GRIK2: variants seen among roughly 807,000 people sequenced by gnomAD.
GRIK2 encodes the protein glutamate receptor ionotropic, kainate 2.
A neutral mutation model predicts 100.3 loss-of-function variants in GRIK2; 32 were observed. The ratio of observed to expected loss-of-function variants is 0.32; its 90% CI spans 0.24 to 0.43. The LOEUF is 0.43. GRIK2 is among the 20% of genes least tolerant of loss of function. GRIK2 has a pLI of 1.00. For synonymous variants in GRIK2, 417 were observed against 389.4 expected (o/e 1.07, Z -0.83); for missense variants, 843 against 1,114.9 (o/e 0.76, Z 3.47).
chr6:101,553,440 CTAACT>C (rs1464851393), intron 2 of GRIK2, among the ~76,000 whole-genome samples: 1 of 152,058 alleles, frequency 6.6e-6, no homozygotes, highest in African/African-American at 2.4e-5. Context: ...CTGCTATAAC[CTAACT>C]TAAGAATTTA....
At chr6:101,662,846 T>G (rs1457339871) in intron 4 of GRIK2, among the ~76,000 whole-genome samples, 2 of 152,096 alleles carry the variant, frequency 1.3e-5, no homozygotes, top group Non-Finnish European at 2.9e-5. Context: ...CATATACCAT[T>G]TATATTTTTT....
intron 6 of GRIK2, 63 bp from the exon 7 acceptor site, chr6:101,686,117 A>G (rs1771676626): frequency 2.9e-6 from 4 of 1,365,272 alleles, no homozygotes; most frequent in Admixed American, 2.1e-5. Context: ...TGACTATTTC[A>G]GTAATACATG....
At chr6:102,016,002 C>T (rs910795877) in intron 14 of GRIK2, among the ~76,000 whole-genome samples, 2 of 151,870 alleles carry the variant, frequency 1.3e-5, no homozygotes, top group African/African-American at 4.8e-5. Context: ...AAAAAAAATC[C>T]AAAGGGCAGC....
At chr6:101,872,288 A>G (rs1001003871) in intron 11 of GRIK2, among the ~76,000 whole-genome samples, 1 of 151,958 alleles carries the variant, frequency 6.6e-6, no homozygotes, top group African/African-American at 2.4e-5. Flanking sequence ...TGATTTATGA[A>G]GAAAAGAAGT....
chr6:101,406,334 T>C (rs1264384493), intron 2 of GRIK2, among the ~76,000 whole-genome samples: 1 of 152,184 alleles, frequency 6.6e-6, no homozygotes, highest in African/African-American at 2.4e-5. Flanking sequence ...TAGATTAATT[T>C]AAACTCTTTA....
chr6:101,932,383 ACC>A (rs557051253), intron 14 of GRIK2, among the ~76,000 whole-genome samples: 308 of 152,008 alleles, frequency 2.0e-3, no homozygotes, highest in African/African-American at 7.3e-3. Context: ...TGCATTCTAT[ACC>A]TTTACATCTC....
chr6:101,717,868 G>A (rs1774178843), intron 7 of GRIK2, among the ~76,000 whole-genome samples: 1 of 151,736 alleles, frequency 6.6e-6, no homozygotes, highest in African/African-American at 2.4e-5. Context: ...AGTTGTATGT[G>A]CTTGGGGAAA....
At chr6:101,730,098 C>T (rs1475989831) in intron 7 of GRIK2, among the ~76,000 whole-genome samples, 2 of 151,876 alleles carry the variant, frequency 1.3e-5, no homozygotes, top group African/African-American at 2.4e-5. Flanking sequence ...CTTTTATTAG[C>T]TTATTTTTCA....
chr6:101,729,113 G>A (rs772899990), intron 7 of GRIK2, among the ~76,000 whole-genome samples: 1 of 152,016 alleles, frequency 6.6e-6, no homozygotes, highest in Non-Finnish European at 1.5e-5. Context: ...GGAATGCACT[G>A]TAATTCTGGC....
At chr6:101,552,536 G>A (rs942683562) in intron 2 of GRIK2, among the ~76,000 whole-genome samples, 5 of 152,238 alleles carry the variant, frequency 3.3e-5, no homozygotes, top group African/African-American at 1.2e-4. Flanking sequence ...ATAATCACTG[G>A]AAATTCTCAA....
intron 7 of GRIK2, among the ~76,000 whole-genome samples, chr6:101,710,336 T>G (rs1773609204): frequency 6.6e-6 from 1 of 151,820 alleles, no homozygotes; most frequent in Non-Finnish European, 1.5e-5. Context: ...GCCTTTGGAA[T>G]GGTGAGTTGA....
At chr6:101,729,958 G>A (rs1775145906) in intron 7 of GRIK2, among the ~76,000 whole-genome samples, 1 of 151,868 alleles carries the variant, frequency 6.6e-6, no homozygotes, top group Admixed American at 6.6e-5. Flanking sequence ...GTTGTTTATT[G>A]AGTCACTGTT....
At chr6:101,483,645 G>A (rs1362893305) in intron 2 of GRIK2, among the ~76,000 whole-genome samples, 2 of 152,132 alleles carry the variant, frequency 1.3e-5, no homozygotes, top group Non-Finnish European at 2.9e-5. Flanking sequence ...CACGATCTGG[G>A]CTCACTGCAA....
chr6:101,903,977 A>G (rs1456329334), intron 12 of GRIK2, among the ~76,000 whole-genome samples: 2 of 151,674 alleles, frequency 1.3e-5, no homozygotes, highest in Non-Finnish European at 1.5e-5. Context: ...TTCACTATTA[A>G]CAAATTAAAG....
At chr6:101,685,936 A>T (rs1771655924) in intron 6 of GRIK2, among the ~76,000 whole-genome samples, 1 of 152,280 alleles carries the variant, frequency 6.6e-6, no homozygotes, top group East Asian at 1.9e-4. Flanking sequence ...AGAAGAGCCC[A>T]TTGTTTCACT....
chr6:101,770,877 C>T (rs899528305), intron 7 of GRIK2, among the ~76,000 whole-genome samples: 1 of 152,008 alleles, frequency 6.6e-6, no homozygotes, highest in Admixed American at 6.6e-5. Context: ...TGTGCCTTTA[C>T]AAAACTATAG....
At chr6:101,692,172 G>A (rs1028604034) in intron 7 of GRIK2, among the ~76,000 whole-genome samples, 1 of 151,184 alleles carries the variant, frequency 6.6e-6, no homozygotes, top group African/African-American at 2.4e-5. Flanking sequence ...CTATTTGCTT[G>A]TCTTAATTAA....
chr6:101,853,506 G>C (rs1311099307), intron 10 of GRIK2, among the ~76,000 whole-genome samples: 2 of 152,158 alleles, frequency 1.3e-5, no homozygotes, highest in Non-Finnish European at 2.9e-5. Context: ...AAACAGGGCT[G>C]CCACTTTAGA....
chr6:101,642,719 A>C (rs1781337173), intron 4 of GRIK2, among the ~76,000 whole-genome samples: 1 of 151,688 alleles, frequency 6.6e-6, no homozygotes, highest in African/African-American at 2.4e-5. Flanking sequence ...TATCTCTTTG[A>C]GGCCCTGTTC....
Sources: allele counts gnomAD v4.1 joint callset (sites outside exome capture counted in the v4.1 genomes callset), GRCh38; gene constraint gnomAD v4.1.1; transcripts MANE v1.5; gene names NCBI Gene and HGNC (gene_info 2026-07-23, HGNC 2026-07-21).